Variants in PTPRQ observed in about 807,000 individuals in gnomAD.
The protein encoded by PTPRQ is protein tyrosine phosphatase receptor type Q.
Under a neutral mutation model 246.0 loss-of-function variants are expected in PTPRQ, and 199 were observed. That is an observed-to-expected ratio of 0.81 (90% CI 0.72 to 0.91). The LOEUF (loss-of-function observed/expected upper bound fraction) is 0.91. Among genes scored for constraint, PTPRQ ranks in the 40% least tolerant of loss-of-function variants. The probability of loss-of-function intolerance (pLI) is 0.00; values close to 1 mark genes in which losing one functional copy is unlikely to be tolerated. For missense variants in PTPRQ, 2,624 were observed against 2,528.4 expected (o/e 1.04, Z -0.81); for synonymous variants, 869 against 853.2 (o/e 1.02, Z -0.32).
At chr12:80,566,255 A>T (rs1190061327) in intron 25 of PTPRQ, among the ~76,000 whole-genome samples, 3 of 152,124 alleles carry the variant, frequency 2.0e-5, no homozygotes, top group Non-Finnish European at 4.4e-5. Flanking sequence ...AGGCAGGTGG[A>T]TCACTTGAAG....
chr12:80,569,881 C>T (rs909170179), intron 25 of PTPRQ, among the ~76,000 whole-genome samples: 1 of 152,034 alleles, frequency 6.6e-6, no homozygotes, highest in Admixed American at 6.6e-5. Flanking sequence ...TGGTTTCCAG[C>T]TTCATCCATG....
At chr12:80,541,928 A>T in intron 21 of PTPRQ, 83 bp downstream of exon 21, 1 of 1,463,414 alleles carries the variant, frequency 6.8e-7, no homozygotes. Context: ...ATAGTCTTCA[A>T]TTATATTGAT....
At chr12:80,660,752 A>G (rs1236406407) in intron 39 of PTPRQ, among the ~76,000 whole-genome samples, 1 of 152,068 alleles carries the variant, frequency 6.6e-6, no homozygotes, top group Non-Finnish European at 1.5e-5. Flanking sequence ...GAGCATTATA[A>G]TACTAAAGGA....
chr12:80,626,963 C>A (rs1218796459), intron 33 of PTPRQ, among the ~76,000 whole-genome samples: 3 of 152,060 alleles, frequency 2.0e-5, no homozygotes, highest in Non-Finnish European at 4.4e-5. Flanking sequence ...CACACCCTAG[C>A]AAACACTTTA....
rs1368803902 is a variant in PTPRQ, at chr12:80,664,403, A to G, written c.6193-4604A>G. Among the ~76,000 whole-genome samples the G allele has an allele frequency of 3.3e-5, 5 of 152,112 alleles. No homozygotes were observed. The East Asian group carries it at 9.7e-4, about 30-fold the overall frequency. On this transcript the variant is annotated intron_variant, in intron 39 of 44. Transcript: ENST00000644991. ...TACTCAGTCTTTCTCCTGTGGCTGC[A>G]TATGAACTGTCCTAGTCCCTGATAA...
At chr12:80,547,505 A>G (rs1276586558) in intron 24 of PTPRQ, among the ~76,000 whole-genome samples, 1 of 152,130 alleles carries the variant, frequency 6.6e-6, no homozygotes, top group Non-Finnish European at 1.5e-5. Context: ...ACTGACTACT[A>G]AATTAATCAT....
chr12:80,650,366 C>T (rs1900217483), intron 37 of PTPRQ, among the ~76,000 whole-genome samples: 1 of 151,262 alleles, frequency 6.6e-6, no homozygotes, highest in Non-Finnish European at 1.5e-5. Context: ...TATTTAAAAA[C>T]ATAAGGTAGA....
intron 35 of PTPRQ, among the ~76,000 whole-genome samples, chr12:80,643,726 C>T (rs1278189354): frequency 1.3e-5 from 2 of 151,892 alleles, no homozygotes; most frequent in South Asian, 2.1e-4. Flanking sequence ...TTTGGATAAG[C>T]GATAGAATAT....
chr12:80,639,373 A>G (rs1899774190), intron 35 of PTPRQ, among the ~76,000 whole-genome samples: 1 of 152,220 alleles, frequency 6.6e-6, no homozygotes, highest in Non-Finnish European at 1.5e-5. Context: ...ACTTGACAGA[A>G]ACTCAGTTTC....
intron 27 of PTPRQ, among the ~76,000 whole-genome samples, chr12:80,607,378 T>C (rs775258010): frequency 2.0e-5 from 3 of 150,884 alleles, no homozygotes; most frequent in Non-Finnish European, 3.0e-5. Flanking sequence ...CAGATTCAGA[T>C]AGAACCTAGT....
chr12:80,543,501 T>C (rs2120845976), intron 23 of PTPRQ, among the ~76,000 whole-genome samples: 1 of 152,188 alleles, frequency 6.6e-6, no homozygotes, highest in African/African-American at 2.4e-5. Context: ...AAAATGTAAT[T>C]AACAAGCATT....
intron 28 of PTPRQ, 54 bp downstream of exon 28, chr12:80,610,679 C>A: frequency 6.5e-7 from 1 of 1,528,668 alleles, no homozygotes; most frequent in Admixed American, 2.0e-5. Context: ...AGCTGGCTTT[C>A]TTACAGTTCA....
chr12:80,460,829 TC>T lies in PTPRQ; in HGVS notation c.838del (p.Leu280PhefsTer34). 2 of 400,682 alleles carry T rather than the reference TC, an allele frequency of 5.0e-6. No individual in the cohort carries two copies. Among genetic ancestry groups the T allele is most frequent in the Non-Finnish European group, 8.8e-6 (2 of 226,212 alleles). The allele number at this position is 400,682 out of a possible 1,614,324, so 24.8% of individuals were successfully genotyped here. On this transcript the variant is annotated frameshift_variant, in exon 6 of 45. Transcript: ENST00000644991. LOFTEE classifies it high-confidence loss of function. ...VTHLRPYTTY[L>X]FEVSAATTEA... Reference sequence around the variant, plus strand: ...CACACTTGAGACCTTATACAACATATCTTTTTGAAGTTTCAGCTGCTACAAC... The same window carrying T: ...CACACTTGAGACCTTATACAACATATTTTTTGAAGTTTCAGCTGCTACAAC...
At chr12:80,475,975 T>A (rs1056802624) in intron 8 of PTPRQ, among the ~76,000 whole-genome samples, 1 of 152,228 alleles carries the variant, frequency 6.6e-6, no homozygotes, top group East Asian at 1.9e-4. Flanking sequence ...TGACTTGAAC[T>A]GATCATTTCA....
intron 17 of PTPRQ, among the ~76,000 whole-genome samples, chr12:80,512,074 C>T (rs1024874092): frequency 4.6e-5 from 7 of 152,086 alleles, no homozygotes; most frequent in African/African-American, 9.7e-5. Context: ...ACTAACAGGA[C>T]TTGGTGATGG....
intron 39 of PTPRQ, among the ~76,000 whole-genome samples, chr12:80,668,586 C>T (rs1383177465): frequency 6.6e-6 from 1 of 151,804 alleles, no homozygotes; most frequent in African/African-American, 2.4e-5. Context: ...GAGATCTTGG[C>T]AAGTTACTTC....
In PTPRQ at chr12:80,638,799, G is replaced by A. The variant is rs972236235; in HGVS notation, c.5915+3726G>A. ...ACATTCAAGGATATACTAAAATAAC[G>A]TTTTAAATTCTCAATTTGAATGATA... On this transcript the variant is annotated intron_variant, in intron 35 of 44. Coordinates refer to ENST00000644991, the MANE Select transcript of PTPRQ (RefSeq NM_001145026.2). Among the ~76,000 whole-genome samples, 14 of 152,182 alleles carry A rather than the reference G, an allele frequency of 9.2e-5. No homozygotes were observed. The East Asian group carries it at 1.7e-3, about 19-fold the overall frequency.
At chr12:80,562,606 C>T (rs1340798344) in intron 25 of PTPRQ, among the ~76,000 whole-genome samples, 1 of 151,952 alleles carries the variant, frequency 6.6e-6, no homozygotes, top group Non-Finnish European at 1.5e-5. Context: ...GAAAATTCAA[C>T]ATATCAAAAT....
chr12:80,593,701 C>T (rs748400792), intron 26 of PTPRQ: 2 of 152,010 alleles, frequency 1.3e-5, no homozygotes, highest in Non-Finnish European at 2.9e-5. Flanking sequence ...AATTATTTTA[C>T]TCATCTATTT....
Sources: allele counts gnomAD v4.1 joint callset (sites outside exome capture counted in the v4.1 genomes callset), GRCh38; gene constraint gnomAD v4.1.1; transcripts MANE v1.5; gene names NCBI Gene and HGNC (gene_info 2026-07-23, HGNC 2026-07-21).